Variants in ITGAM observed in about 807,000 individuals in gnomAD.
ITGAM encodes integrin subunit alpha M, also known as integrin alpha-M.
ITGAM carries 79 observed loss-of-function variants against 137.5 expected under a neutral mutation model. The ratio of observed to expected loss-of-function variants is 0.57; its 90% confidence interval spans 0.48 to 0.69. The LOEUF (loss-of-function observed/expected upper bound fraction) is 0.69, where lower values mean the gene tolerates loss of function less well. Ranked by LOEUF, ITGAM falls within the 30% of genes least tolerant of loss-of-function variation. The pLI, the probability that ITGAM is intolerant of heterozygous loss-of-function variation, is 0.00. For synonymous variants in ITGAM, 583 were observed against 592.3 expected (o/e 0.98, Z 0.23); for missense variants, 1,343 against 1,483.5 (o/e 0.91, Z 1.56).
Position 31,266,102 on chromosome 16 carries a change from T to A in ITGAM, c.382T>A (p.Ser128Thr). Residue 128 changes from serine to threonine, a missense_variant, in exon 5 of 30, where the codon TCC becomes ACC. Physicochemically the swap from Ser to Thr is moderately conservative, Grantham distance 58 (BLOSUM62 1). Coordinates refer to ENST00000544665, the MANE Select transcript of ITGAM (RefSeq NM_000632.4). ...GAAAGGGCTCTGCTTCCTGTTTGGA[T>A]CCAACCTACGGCAGCAGCCCCAGAA... is the stretch of plus-strand genomic sequence containing the variant. Reference protein sequence around the residue: ...YVKGLCFLFGSNLRQQPQKFP... With the variant: ...YVKGLCFLFGTNLRQQPQKFP... 1 of 1,613,834 alleles carries A rather than the reference T, an allele frequency of 6.2e-7. No homozygotes were observed.
chr16:31,280,187 T>C (rs1406243794), intron 12 of ITGAM, among the ~76,000 whole-genome samples: 1 of 152,198 alleles, frequency 6.6e-6, no homozygotes, highest in Non-Finnish European at 1.5e-5. Context: ...TCCAGCTTTG[T>C]TCTTTTGGCT....
At chr16:31,304,779 T>C (rs1282651130) in intron 14 of ITGAM, among the ~76,000 whole-genome samples, 1 of 152,100 alleles carries the variant, frequency 6.6e-6, no homozygotes, top group Non-Finnish European at 1.5e-5. Flanking sequence ...AAGTATTTGG[T>C]TTTATTTCTG....
In ITGAM at chr16:31,332,071, C is replaced by A; in HGVS notation, c.*364C>A. On this transcript the variant is annotated 3_prime_UTR_variant, in exon 30 of 30. Transcript: ENST00000544665. ...GCTCACGTGTGTGACTCAGATGTCT[C>A]TGGCGTGTGGGTAGGTGACGGCAGC... 4.4e-6 allele frequency: 1 copy of A among 227,412 alleles called. No individual in the cohort carries two copies. The highest frequency in any genetic ancestry group is 8.7e-6 in the Non-Finnish European group (1 of 115,202). 14.1% of individuals were successfully genotyped at this position (227,412 alleles called of 1,614,324 possible). A position where few individuals can be genotyped will look rare whatever the true frequency, so the allele number is the denominator to read the frequency against.
intron 2 of ITGAM, 102 bp from the exon 3 acceptor site, chr16:31,265,293 C>G: frequency 1.9e-6 from 1 of 517,730 alleles, no homozygotes. Flanking sequence ...TTTAGGAATC[C>G]GGGTATGGGC....
chr16:31,308,864 T>C (rs893744109), intron 14 of ITGAM, among the ~76,000 whole-genome samples: 12 of 149,538 alleles, frequency 8.0e-5, no homozygotes, highest in Admixed American at 2.0e-4. Flanking sequence ...TTTGTTCTCA[T>C]TGGTTTCAAA....
intron 12 of ITGAM, among the ~76,000 whole-genome samples, chr16:31,297,247 G>A (rs940452319): frequency 6.6e-6 from 1 of 152,116 alleles, no homozygotes; most frequent in Admixed American, 6.5e-5. Flanking sequence ...GCTCACTGCA[G>A]CCTTAAACTC....
intron 19 of ITGAM, 99 bp from the exon 20 acceptor site, chr16:31,325,164 G>C: frequency 6.7e-7 from 1 of 1,500,242 alleles, no homozygotes; most frequent in South Asian, 1.3e-5. Flanking sequence ...CTCCACTGTT[G>C]TCTCTTCATC....
At chr16:31,296,583 G>C (rs1385924500) in intron 12 of ITGAM, among the ~76,000 whole-genome samples, 3 of 152,196 alleles carry the variant, frequency 2.0e-5, no homozygotes. Flanking sequence ...AATGGTGTAT[G>C]AGGCAGAAAT....
intron 6 of ITGAM, 58 bp from the exon 7 acceptor site, chr16:31,271,789 A>T: frequency 6.2e-7 from 1 of 1,603,178 alleles, no homozygotes. Flanking sequence ...GCTTGCTGGG[A>T]GATGTCTGAG....
At chr16:31,322,500 C>T (rs1355239024) in intron 16 of ITGAM, among the ~76,000 whole-genome samples, 2 of 152,160 alleles carry the variant, frequency 1.3e-5, no homozygotes, top group Non-Finnish European at 2.9e-5. Context: ...CTCCAAGACA[C>T]CCAGTAGAAA....
intron 14 of ITGAM, among the ~76,000 whole-genome samples, chr16:31,298,256 T>C (rs1370313377): frequency 6.8e-6 from 1 of 147,272 alleles, no homozygotes; most frequent in African/African-American, 2.5e-5. Flanking sequence ...CATACACCCA[T>C]GGTCCCAGCT....
chr16:31,328,430 G>A (rs1454852801), intron 23 of ITGAM, among the ~76,000 whole-genome samples, 200 bp downstream of exon 23: 1 of 151,940 alleles, frequency 6.6e-6, no homozygotes, highest in Non-Finnish European at 1.5e-5. Flanking sequence ...GCATGGACGT[G>A]TATTTGTGCA....
chr16:31,302,925 TTTCTTTCTTTC>T (rs2080224981), intron 14 of ITGAM, among the ~76,000 whole-genome samples: 1 of 13,264 alleles, frequency 7.5e-5, no homozygotes, highest in Admixed American at 9.0e-4. Flanking sequence ...TCCCTCTTTC[TTTCTTTCTTTC>T]TTTCTTTCTT....
chr16:31,330,144 C>G lies in ITGAM; in HGVS notation c.3040C>G (p.Leu1014Val). Reference protein sequence around the residue: ...LPSHSDFLAELRKAPVVNCSI... With the variant: ...LPSHSDFLAEVRKAPVVNCSI... ...CTCTCACTCCGACTTTCTGGCTGAG[C>G]TTCGGAAGGCCCCCGTGGTGGTGAG... Residue 1014 changes from leucine (L) to valine (V), a missense_variant, in exon 26 of 30, where the codon CTT becomes GTT. Leu to Val is a conservative substitution (Grantham distance 32). Coordinates refer to ENST00000544665, the MANE Select transcript of ITGAM (RefSeq NM_000632.4). The G allele has an allele frequency of 6.2e-7, 1 of 1,613,634 alleles. No homozygotes were observed. Among genetic ancestry groups the G allele is most frequent in the Non-Finnish European group, 8.5e-7 (1 of 1,179,732 alleles).
At chr16:31,296,913 A>T (rs1299774893) in intron 12 of ITGAM, among the ~76,000 whole-genome samples, 1 of 152,232 alleles carries the variant, frequency 6.6e-6, no homozygotes, top group Admixed American at 6.5e-5. Context: ...AATAACAAAT[A>T]GTTATTTTTA....
rs570126649 is a variant in ITGAM, at chr16:31,289,092, AAGTC to A, written c.1357-8419_1357-8416del. On this transcript the variant is annotated intron_variant, in intron 12 of 29. Coordinates refer to ENST00000544665, the MANE Select transcript of ITGAM (RefSeq NM_000632.4). Reference sequence around the variant, plus strand: ...ACCAGTTAGAATGGTGATCATTAAAAAGTCAGGAAACAACACGTGCTGGAGAGGA... The same window carrying A: ...ACCAGTTAGAATGGTGATCATTAAAAAGGAAACAACACGTGCTGGAGAGGA... Among the ~76,000 whole-genome samples the A allele has an allele frequency of 6.0e-3, 910 of 152,348 alleles. 10 individuals carry two copies. The highest frequency in any genetic ancestry group is 0.021 in the African/African-American group (871 of 41,582).
intron 8 of ITGAM, among the ~76,000 whole-genome samples, chr16:31,274,467 A>C (rs1339716659): frequency 6.6e-6 from 1 of 152,178 alleles, no homozygotes; most frequent in East Asian, 1.9e-4. Context: ...GCGAGGTGTG[A>C]GTTCCAACAG....
At position 31,266,092 on chromosome 16, in the gene ITGAM, C is replaced by G; in HGVS notation, c.372C>G (p.Phe124Leu). ...SENTYVKGLC[F>L]LFGSNLRQQP... Reference sequence around the variant, plus strand: ...ACACGTATGTGAAAGGGCTCTGCTTCCTGTTTGGATCCAACCTACGGCAGC... The same window carrying G: ...ACACGTATGTGAAAGGGCTCTGCTTGCTGTTTGGATCCAACCTACGGCAGC... Residue 124 changes from phenylalanine (F) to leucine (L), a missense_variant, in exon 5 of 30, where the codon TTC becomes TTG. Transcript: ENST00000544665. 6.2e-7 allele frequency: 1 copy of G among 1,613,936 alleles called. No individual in the cohort carries two copies. The highest frequency in any genetic ancestry group is 8.5e-7 in the Non-Finnish European group (1 of 1,179,882).
At chr16:31,269,507 G>A (rs2079805541) in intron 5 of ITGAM, among the ~76,000 whole-genome samples, 1 of 152,208 alleles carries the variant, frequency 6.6e-6, no homozygotes, top group African/African-American at 2.4e-5. Flanking sequence ...AACACGGACA[G>A]CTTGGAGGTT....
Sources: gnomAD v4.1 joint callset for allele counts (sites outside exome capture counted in the v4.1 genomes callset) on GRCh38, gnomAD v4.1.1 for gene constraint, MANE v1.5 for transcripts, NCBI Gene and HGNC (gene_info 2026-07-23, HGNC 2026-07-21) for gene names.